SLC66A2: variants seen among roughly 807,000 people sequenced by gnomAD.
SLC66A2 encodes the protein solute carrier family 66 member 2, also known as PQ loop repeat containing 1.
In SLC66A2, 23 loss-of-function variants were observed where a neutral mutation model predicts 25.5. That is an observed-to-expected ratio of 0.90 (90% CI 0.65 to 1.28). The LOEUF is 1.28. SLC66A2 is among the 50% of genes most tolerant of loss of function. SLC66A2 has a pLI of 0.00. For missense variants in SLC66A2, 396 were observed against 373.1 expected (o/e 1.06, Z -0.51); for synonymous variants, 193 against 166.5 (o/e 1.16, Z -1.23).
chr18:79,917,663 C>A lies in SLC66A2; in HGVS notation c.608+1521G>T, dbSNP rs913647128. On this transcript the variant is annotated intron_variant, in intron 5 of 5. Transcript: ENST00000397778. This position sits in a 1 kb window ranked among gnomAD's most constrained non-coding sequence, Gnocchi z 6.0. ...GCATCCCTGCCTTTTGGGCTCCACA[C>A]CGAAGCCCTCAGGGCTGCCACTGCC... Among the ~76,000 whole-genome samples, 1 of 152,082 alleles carries A rather than the reference C, an allele frequency of 6.6e-6. No individual in the cohort carries two copies. Among genetic ancestry groups the A allele is most frequent in the African/African-American group, 2.4e-5 (1 of 41,390 alleles).
intron 5 of SLC66A2, among the ~76,000 whole-genome samples, chr18:79,910,782 A>C (rs967022416): frequency 6.6e-6 from 1 of 151,778 alleles, no homozygotes; most frequent in African/African-American, 2.4e-5. Flanking sequence ...TAGACGGAGG[A>C]GGCCAGGGCA....
chr18:79,947,187 C>G (rs1050151391), intron 2 of SLC66A2: 5 of 152,308 alleles, frequency 3.3e-5, no homozygotes, highest in Admixed American at 3.3e-4. Context: ...GGCCTCTCCG[C>G]TTTTCCTCCA....
intron 1 of SLC66A2, among the ~76,000 whole-genome samples, chr18:79,951,297 T>C (rs1419177939): frequency 6.3e-5 from 9 of 143,910 alleles, no homozygotes; most frequent in African/African-American, 2.4e-4. Flanking sequence ...CCGGCGGGGG[T>C]CCACGCGCGC....
rs1291344299 is a variant in SLC66A2, at chr18:79,927,404, G to A, written c.391+6565C>T. Among the ~76,000 whole-genome samples the A allele has an allele frequency of 6.6e-6, 1 of 152,222 alleles. No individual in the cohort carries two copies. The highest frequency in any genetic ancestry group is 1.5e-5 in the Non-Finnish European group (1 of 68,042). On this transcript the variant is annotated intron_variant, in intron 4 of 5. Coordinates refer to ENST00000397778, the MANE Select transcript of SLC66A2 (RefSeq NM_025078.5). The surrounding 1 kb of genome is among the most constrained non-coding windows in gnomAD (Gnocchi z 6.2). ...GAGAGCACAGACAAGAGGCCCCCGA[G>A]GCCACCAGGGCCGACTTTTACTTTA...
chr18:79,914,570 C>CCA (rs72528507), intron 5 of SLC66A2, among the ~76,000 whole-genome samples: 1 of 150,664 alleles, frequency 6.6e-6, no homozygotes, highest in South Asian at 2.1e-4. Context: ...GGGAGAGACA[C>CCA]CCCCTTGCCC....
intron 2 of SLC66A2, chr18:79,947,371 T>C (rs969574658): frequency 3.9e-5 from 6 of 152,260 alleles, no homozygotes; most frequent in African/African-American, 1.4e-4. Context: ...GAGTGACCTA[T>C]GTTTCAGAAT....
chr18:79,939,866 G>A (rs1987490704), intron 3 of SLC66A2, among the ~76,000 whole-genome samples: 1 of 152,178 alleles, frequency 6.6e-6, no homozygotes. Context: ...TCCCGGTACT[G>A]GGTATAAACG....
At chr18:79,916,524 C>T (rs1461836547) in intron 5 of SLC66A2, among the ~76,000 whole-genome samples, 11 of 152,364 alleles carry the variant, frequency 7.2e-5, no homozygotes, top group East Asian at 3.9e-4. Flanking sequence ...GCTGGGTTCA[C>T]GTCGCACCCT....
Position 79,904,042 on chromosome 18 carries a change from G to A in SLC66A2, c.750C>T (p.Ala250=). ...CCGGCTTCTGGGGGTGGCGGGCGAA[G>A]GCGTAGGCCTGCCCCAGGATGGCCA... ...VDLAILGQAY[A]FARHPQKPAP... is the part of the protein sequence containing the mutation. Residue 250 remains alanine (A), a synonymous_variant, in exon 6 of 6, where the codon GCC becomes GCT. Transcript: ENST00000397778. This position sits in a 1 kb window ranked among gnomAD's most constrained non-coding sequence, Gnocchi z 6.3. 1 of 1,608,500 alleles carries A rather than the reference G, an allele frequency of 6.2e-7. No individual in the cohort carries two copies. Among genetic ancestry groups the A allele is most frequent in the Non-Finnish European group, 8.5e-7 (1 of 1,177,960 alleles).
At chr18:79,935,540 G>A (rs1568327183) in intron 3 of SLC66A2, 1 of 152,324 alleles carries the variant, frequency 6.6e-6, no homozygotes, top group African/African-American at 2.4e-5. Context: ...GGTGGTGTCA[G>A]TGTCTTCTCC....
At chr18:79,942,607 C>T (rs377006447) in intron 3 of SLC66A2, among the ~76,000 whole-genome samples, 11 of 152,298 alleles carry the variant, frequency 7.2e-5, no homozygotes, top group African/African-American at 2.4e-4. Context: ...AAAGTGAGTG[C>T]TGTCTTAGAT....
At chr18:79,924,230 G>A (rs1394615202) in intron 4 of SLC66A2, among the ~76,000 whole-genome samples, 1 of 152,156 alleles carries the variant, frequency 6.6e-6, no homozygotes, top group East Asian at 1.9e-4. Flanking sequence ...ACGTGGCCTG[G>A]TGCACAGTGG....
Position 79,902,970 on chromosome 18 carries a change from A to C in SLC66A2, c.*1006T>G, listed in dbSNP as rs1375558376. ...CAGGCCCCAGTACCCCCCACTCAGG[A>C]ATTTGCTTCAGGCCAAAAGCCCAGG... is the stretch of plus-strand genomic sequence containing the variant. On this transcript the variant is annotated 3_prime_UTR_variant, in exon 6 of 6. Coordinates refer to ENST00000397778, the MANE Select transcript of SLC66A2 (RefSeq NM_025078.5). 6.5e-6 allele frequency: 1 copy of C among 153,202 alleles called. No individual in the cohort carries two copies. The highest frequency in any genetic ancestry group is 2.4e-5 in the African/African-American group (1 of 41,474). 9.5% of individuals were successfully genotyped at this position (153,202 alleles called of 1,614,324 possible).
At chr18:79,931,494 A>G (rs1454938279) in intron 4 of SLC66A2, among the ~76,000 whole-genome samples, 1 of 152,246 alleles carries the variant, frequency 6.6e-6, no homozygotes, top group East Asian at 1.9e-4. Flanking sequence ...AATACATCAA[A>G]CAAAAACTGA....
At chr18:79,922,969 C>T (rs1985444720) in intron 4 of SLC66A2, among the ~76,000 whole-genome samples, 1 of 151,252 alleles carries the variant, frequency 6.6e-6, no homozygotes, top group African/African-American at 2.4e-5. Context: ...CACCTTCTCC[C>T]CATCCCCTTG....
chr18:79,945,748 G>A (rs551743415), intron 2 of SLC66A2, among the ~76,000 whole-genome samples: 9 of 152,308 alleles, frequency 5.9e-5, no homozygotes, highest in East Asian at 3.9e-4. Flanking sequence ...CCCCCACACC[G>A]GCCCCCTCCA....
intron 5 of SLC66A2, among the ~76,000 whole-genome samples, chr18:79,906,115 A>G (rs1323672607): frequency 3.9e-5 from 6 of 152,220 alleles, no homozygotes; most frequent in African/African-American, 1.4e-4. Context: ...ATCCTCTTCC[A>G]TACCAAATAC....
intron 4 of SLC66A2, among the ~76,000 whole-genome samples, chr18:79,933,164 G>A (rs1986738827): frequency 6.6e-6 from 1 of 152,102 alleles, no homozygotes; most frequent in Non-Finnish European, 1.5e-5. Flanking sequence ...AATCAATGTA[G>A]TACATCATCA....
chr18:79,934,138 A>C (rs1253249945), intron 3 of SLC66A2, 116 bp from the exon 4 acceptor site: 33 of 827,378 alleles, frequency 4.0e-5, no homozygotes, highest in South Asian at 1.9e-4. Flanking sequence ...TAAAAAAAAA[A>C]AAACAAACCA....
Sources: allele counts gnomAD v4.1 joint callset (sites outside exome capture counted in the v4.1 genomes callset), GRCh38; gene constraint gnomAD v4.1.1; non-coding constraint Gnocchi (gnomAD v3.1); transcripts MANE v1.5; gene names NCBI Gene and HGNC (gene_info 2026-07-23, HGNC 2026-07-21).